ADH4: variants seen among roughly 807,000 people sequenced by gnomAD.
ADH4 encodes the protein alcohol dehydrogenase 4 (class II), pi polypeptide.
A neutral mutation model predicts 35.2 loss-of-function variants in ADH4; 31 were observed. The ratio of observed to expected loss-of-function variants is 0.88; its 90% confidence interval spans 0.66 to 1.19. The LOEUF is 1.19. Among genes scored for constraint, ADH4 ranks in the 50% most tolerant of loss-of-function variants. The probability of loss-of-function intolerance (pLI) is 0.00; values close to 1 mark genes in which losing one functional copy is unlikely to be tolerated. For missense variants in ADH4, 476 were observed against 458.3 expected (o/e 1.04, Z -0.35); for synonymous variants, 171 against 160.2 (o/e 1.07, Z -0.51).
chr4:99,142,977 T>A, intron 1 of ADH4, 197 bp from the exon 2 acceptor site: 1 of 628,372 alleles, frequency 1.6e-6, no homozygotes, highest in Non-Finnish European at 2.8e-6. Context: ...AATAAGAAGT[T>A]AAATTCTACA....
chr4:99,143,536 TA>T (rs1412400437), intron 1 of ADH4, among the ~76,000 whole-genome samples: 2 of 152,092 alleles, frequency 1.3e-5, no homozygotes, highest in Non-Finnish European at 2.9e-5. Flanking sequence ...TGAAAGAAAG[TA>T]GAAAGAAACA....
chr4:99,141,707 T>C (rs772710044), intron 2 of ADH4, 25 bp from the exon 3 acceptor site: 5 of 1,605,294 alleles, frequency 3.1e-6, no homozygotes, highest in Non-Finnish European at 4.3e-6. Flanking sequence ...CAGACTTTAA[T>C]TGTGTTTCTG....
At chr4:99,125,896 G>T (rs1288538128) in intron 8 of ADH4, among the ~76,000 whole-genome samples, 1 of 151,834 alleles carries the variant, frequency 6.6e-6, no homozygotes, top group African/African-American at 2.4e-5. Context: ...TTGGTCCTGC[G>T]TCTCCTCTAT....
chr4:99,142,703 G>C lies in ADH4; in HGVS notation c.96C>G (p.Pro32=), dbSNP rs141658967. 233 of 1,599,302 alleles carry C rather than the reference G, an allele frequency of 1.5e-4. 1 individual carries two copies. In the African/African-American group the frequency reaches 2.7e-3, roughly 18 times the overall value. The change falls in exon 2 of 9, where the codon CCC becomes CCG. Residue 32 remains proline (P), a synonymous_variant. Coordinates refer to ENST00000265512, the MANE Select transcript of ADH4 (RefSeq NM_000670.5). ...LCIEEVEVAP[P]KAHEVRIQII... ...CCTGAATGCGAACTTCATGAGCCTT[G>C]GGGGGAGCTACTTCAACCTCTTCAA...
chr4:99,131,483 C>T, intron 6 of ADH4, 21 bp downstream of exon 6: 2 of 1,603,236 alleles, frequency 1.2e-6, no homozygotes, highest in East Asian at 4.5e-5. Context: ...AAAATATGAT[C>T]CAAGAACAAA....
chr4:99,129,217 GTAT>G (rs1260616193), intron 6 of ADH4, among the ~76,000 whole-genome samples: 1 of 151,846 alleles, frequency 6.6e-6, no homozygotes, highest in Non-Finnish European at 1.5e-5. Flanking sequence ...ATATAAAAAT[GTAT>G]TTTTAATAAA....
chr4:99,132,216 T>C (rs556635247), intron 5 of ADH4, among the ~76,000 whole-genome samples: 1 of 152,378 alleles, frequency 6.6e-6, no homozygotes, highest in African/African-American at 2.4e-5. Context: ...TTGTTTTGCA[T>C]GGCATGAAAG....
rs755126463 is a variant in ADH4, at chr4:99,126,703, G to A, written c.1009C>T (p.Leu337=). ...GWKSVDSIPK[L]VTDYKNKKFN... ...TTCTTATTCTTATAGTCAGTGACCAGCTTTGGGATAGAATCTACACTTTTC... is the reference window on the plus strand; with the variant it reads ...TTCTTATTCTTATAGTCAGTGACCAACTTTGGGATAGAATCTACACTTTTC... Residue 337 remains leucine (L), a synonymous_variant, in exon 8 of 9, where the codon CTG becomes TTG. Coordinates refer to ENST00000265512, the MANE Select transcript of ADH4 (RefSeq NM_000670.5). 1 of 1,610,780 alleles carries A rather than the reference G, an allele frequency of 6.2e-7. No individual in the cohort carries two copies. Among genetic ancestry groups the A allele is most frequent in the South Asian group, 1.1e-5 (1 of 90,696 alleles).
intron 8 of ADH4, 150 bp from the exon 9 acceptor site, chr4:99,124,616 C>T: frequency 1.8e-6 from 1 of 557,430 alleles, no homozygotes; most frequent in Non-Finnish European, 3.1e-6. Flanking sequence ...TCCCGTCATC[C>T]TCTTCCATTC....
intron 4 of ADH4, among the ~76,000 whole-genome samples, chr4:99,137,784 C>T (rs1358477438): frequency 6.6e-6 from 1 of 152,170 alleles, no homozygotes; most frequent in Non-Finnish European, 1.5e-5. Context: ...TCTGCTCCCT[C>T]CCCCACATTG....
At chr4:99,129,479 CT>C (rs1729207704) in intron 6 of ADH4, among the ~76,000 whole-genome samples, 2 of 152,094 alleles carry the variant, frequency 1.3e-5, no homozygotes, top group Admixed American at 1.3e-4. Context: ...GATTATTCCC[CT>C]ATGTTAAAAC....
chr4:99,139,974 C>T (rs1729560399), intron 3 of ADH4, among the ~76,000 whole-genome samples: 1 of 152,174 alleles, frequency 6.6e-6, no homozygotes, highest in South Asian at 2.1e-4. Flanking sequence ...GGAGCATTCT[C>T]ATTAAAAGAG....
At chr4:99,127,442 C>G (rs1729135709) in intron 6 of ADH4, 98 bp from the exon 7 acceptor site, 2 of 938,274 alleles carry the variant, frequency 2.1e-6, no homozygotes, top group Admixed American at 2.8e-5. Context: ...ATTAATCCAA[C>G]TCTGCATGTA....
intron 5 of ADH4, among the ~76,000 whole-genome samples, chr4:99,135,171 G>A (rs1369637866): frequency 6.6e-6 from 1 of 152,094 alleles, no homozygotes. Flanking sequence ...GCTGATGCCT[G>A]TAATCCTAGC....
intron 5 of ADH4, among the ~76,000 whole-genome samples, chr4:99,132,673 A>T: frequency 6.6e-6 from 1 of 152,208 alleles, no homozygotes. Flanking sequence ...ATGGTAAGAA[A>T]AGATGCTGTA....
At chr4:99,142,346 T>C (rs1729653917) in intron 2 of ADH4, among the ~76,000 whole-genome samples, 1 of 152,212 alleles carries the variant, frequency 6.6e-6, no homozygotes, top group African/African-American at 2.4e-5. Context: ...CTATCTTCCT[T>C]TTAATAACAC....
At chr4:99,144,052 C>A in intron 1 of ADH4, 153 bp downstream of exon 1, 1 of 768,746 alleles carries the variant, frequency 1.3e-6, no homozygotes, top group Non-Finnish European at 2.1e-6. Flanking sequence ...AGTTAATTTC[C>A]CTAGAATAAA....
chr4:99,140,728 G>A (rs1327796675), intron 3 of ADH4, among the ~76,000 whole-genome samples: 1 of 152,010 alleles, frequency 6.6e-6, no homozygotes, highest in African/African-American at 2.4e-5. Context: ...TTAGCCGGGT[G>A]TGGTGGCACA....
Position 99,142,695 on chromosome 4 carries a change from TGAGCCTTGGG to T in ADH4, c.94_103del (p.Pro32MetfsTer27). On this transcript the variant is annotated frameshift_variant, in exon 2 of 9. Coordinates refer to ENST00000265512, the MANE Select transcript of ADH4 (RefSeq NM_000670.5). LOFTEE classifies it high-confidence loss of function. ...TCCACTTACCTGAATGCGAACTTCATGAGCCTTGGGGGGAGCTACTTCAACCTCTTCAATG... is the reference window on the plus strand; with the variant it reads ...TCCACTTACCTGAATGCGAACTTCATGGGAGCTACTTCAACCTCTTCAATG... 6.3e-7 allele frequency: 1 copy of T among 1,584,974 alleles called. No individual in the cohort carries two copies. Among genetic ancestry groups the T allele is most frequent in the Non-Finnish European group, 8.6e-7 (1 of 1,168,732 alleles).
Sources: gnomAD v4.1 joint callset for allele counts (sites outside exome capture counted in the v4.1 genomes callset) on GRCh38, gnomAD v4.1.1 for gene constraint, MANE v1.5 for transcripts, NCBI Gene and HGNC (gene_info 2026-07-23, HGNC 2026-07-21) for gene names.